COG5: variants seen among roughly 807,000 people sequenced by gnomAD.
COG5 encodes the protein conserved oligomeric Golgi complex subunit 5.
A neutral mutation model predicts 110.4 loss-of-function variants in COG5; 86 were observed. That is an observed-to-expected ratio of 0.78 (90% CI 0.65 to 0.93). The LOEUF is 0.93. Among genes scored for constraint, COG5 ranks in the 40% least tolerant of loss-of-function variants. COG5 has a pLI of 0.00. For missense variants in COG5, 1,077 were observed against 987.0 expected (o/e 1.09, Z -1.22); for synonymous variants, 360 against 334.6 (o/e 1.08, Z -0.83).
At chr7:107,457,854 A>C (rs917110269) in intron 6 of COG5, among the ~76,000 whole-genome samples, 5 of 152,246 alleles carry the variant, frequency 3.3e-5, no homozygotes, top group Non-Finnish European at 7.3e-5. Flanking sequence ...TAACAATAGC[A>C]GCAACAACCA....
chr7:107,279,179 A>AT (rs1310508640), intron 14 of COG5, among the ~76,000 whole-genome samples: 1 of 152,220 alleles, frequency 6.6e-6, no homozygotes, highest in Non-Finnish European at 1.5e-5. Flanking sequence ...CAACAAACAT[A>AT]TGAAAAAAAG....
Position 107,275,779 on chromosome 7 carries a change from C to T in COG5, c.1575+5521G>A, listed in dbSNP as rs529626921. Among the ~76,000 whole-genome samples the T allele has an allele frequency of 1.8e-3, 271 of 151,812 alleles. 2 individuals are homozygous for T. Among genetic ancestry groups the T allele is most frequent in the Middle Eastern group, 6.8e-3 (2 of 294 alleles). On this transcript the variant is annotated intron_variant, in intron 14 of 21. Coordinates refer to ENST00000297135, the MANE Select transcript of COG5 (RefSeq NM_006348.5). Reference sequence around the variant, plus strand: ...CCTGAGGTGATCTGCCCACCTCAGCCTCTCAAAGTGCTGGGATTATAGGCA... The same window carrying T: ...CCTGAGGTGATCTGCCCACCTCAGCTTCTCAAAGTGCTGGGATTATAGGCA...
intron 14 of COG5, among the ~76,000 whole-genome samples, chr7:107,260,410 G>A (rs901604752): frequency 6.6e-6 from 1 of 152,076 alleles, no homozygotes; most frequent in Non-Finnish European, 1.5e-5. Flanking sequence ...AATTGCAGTG[G>A]GGCAGTGGGG....
At chr7:107,515,760 A>G (rs913497505) in intron 6 of COG5, among the ~76,000 whole-genome samples, 3 of 152,204 alleles carry the variant, frequency 2.0e-5, no homozygotes, top group African/African-American at 7.2e-5. Flanking sequence ...CTTTTGATTT[A>G]CTGTTAGTCA....
At chr7:107,529,324 A>G (rs1358710829) in intron 5 of COG5, among the ~76,000 whole-genome samples, 1 of 152,212 alleles carries the variant, frequency 6.6e-6, no homozygotes, top group Non-Finnish European at 1.5e-5. Context: ...TTTGGAAGTT[A>G]TCACATTGCC....
At chr7:107,228,544 A>C (rs1270881687) in intron 19 of COG5, among the ~76,000 whole-genome samples, 1 of 152,172 alleles carries the variant, frequency 6.6e-6, no homozygotes, top group Non-Finnish European at 1.5e-5. Flanking sequence ...TGACCAATGG[A>C]TTGGCAACCT....
intron 21 of COG5, among the ~76,000 whole-genome samples, chr7:107,206,710 CAT>C (rs1798813292): frequency 6.6e-6 from 1 of 151,852 alleles, no homozygotes; most frequent in Admixed American, 6.6e-5. Flanking sequence ...AAGGATAAGA[CAT>C]CACGTAAGTT....
chr7:107,399,282 A>G (rs540973748), intron 7 of COG5, among the ~76,000 whole-genome samples: 1 of 152,202 alleles, frequency 6.6e-6, no homozygotes, highest in Non-Finnish European at 1.5e-5. Context: ...ACAGAAAAAA[A>G]GGAAAGACAC....
At chr7:107,315,565 CTTT>C (rs3839820) in intron 11 of COG5, among the ~76,000 whole-genome samples, 6 of 147,534 alleles carry the variant, frequency 4.1e-5, no homozygotes, top group Non-Finnish European at 4.5e-5. Flanking sequence ...TCTAATAGAA[CTTT>C]TTTTTTTTTT....
intron 13 of COG5, 22 bp downstream of exon 13, chr7:107,283,549 C>T: frequency 6.2e-7 from 1 of 1,600,402 alleles, no homozygotes; most frequent in Non-Finnish European, 8.6e-7. Flanking sequence ...TTATGGCAAG[C>T]CACTATATAA....
chr7:107,302,171 T>C (rs1383850530), intron 11 of COG5, among the ~76,000 whole-genome samples: 2 of 152,176 alleles, frequency 1.3e-5, no homozygotes, highest in Non-Finnish European at 2.9e-5. Context: ...CAAACTAATA[T>C]ATCCATGCAA....
At chr7:107,271,838 T>C (rs1340213705) in intron 14 of COG5, among the ~76,000 whole-genome samples, 6 of 152,156 alleles carry the variant, frequency 3.9e-5, no homozygotes, top group Non-Finnish European at 7.4e-5. Flanking sequence ...AGATCCTTGA[T>C]TGAGATCTTT....
chr7:107,264,413 C>T (rs1022687695), intron 14 of COG5, among the ~76,000 whole-genome samples: 3 of 151,606 alleles, frequency 2.0e-5, no homozygotes, highest in Non-Finnish European at 4.4e-5. Flanking sequence ...GACAATGGAG[C>T]AGGCCACGGT....
At chr7:107,375,875 A>G (rs1454488939) in intron 7 of COG5, among the ~76,000 whole-genome samples, 1 of 151,952 alleles carries the variant, frequency 6.6e-6, no homozygotes. Context: ...GTATTGTTTG[A>G]TAAGTGTTCC....
At chr7:107,320,111 G>A (rs1257259841) in intron 11 of COG5, among the ~76,000 whole-genome samples, 2 of 152,168 alleles carry the variant, frequency 1.3e-5, no homozygotes, top group African/African-American at 4.8e-5. Flanking sequence ...GAGAGATAAG[G>A]AGAATGAGGT....
rs750938733 is a variant in COG5 at position 107,474,508 on chromosome 7, C to A, written c.538+52729G>T. 9 of 1,612,710 alleles carry A rather than the reference C, an allele frequency of 5.6e-6. No individual in the cohort carries two copies. Among genetic ancestry groups the A allele is most frequent in the Non-Finnish European group, 7.6e-6 (9 of 1,179,210 alleles). ...TGACATCTCTGTAAAACCTGCAAAC[C>A]GAATTCTGACAATGGGCAGAGCTGT... On this transcript the variant is annotated intron_variant, in intron 6 of 21. Coordinates refer to ENST00000297135, the MANE Select transcript of COG5 (RefSeq NM_006348.5). This position sits in a 1 kb window ranked among gnomAD's most constrained non-coding sequence, Gnocchi z 5.7.
chr7:107,508,728 C>T (rs190470239), intron 6 of COG5, among the ~76,000 whole-genome samples: 1 of 152,190 alleles, frequency 6.6e-6, no homozygotes, highest in African/African-American at 2.4e-5. Context: ...TCACCAACAT[C>T]CACTGTTCTA....
chr7:107,458,952 A>C (rs997076107), intron 6 of COG5, among the ~76,000 whole-genome samples: 1 of 151,296 alleles, frequency 6.6e-6, no homozygotes, highest in Non-Finnish European at 1.5e-5. Flanking sequence ...CATTTATATT[A>C]TTATATATAT....
At chr7:107,287,121 T>C (rs1219545835) in intron 12 of COG5, among the ~76,000 whole-genome samples, 2 of 152,168 alleles carry the variant, frequency 1.3e-5, no homozygotes, top group Non-Finnish European at 2.9e-5. Flanking sequence ...TTATGCAAGT[T>C]GTTTTCAAAG....
Sources: allele counts gnomAD v4.1 joint callset (sites outside exome capture counted in the v4.1 genomes callset), GRCh38; gene constraint gnomAD v4.1.1; non-coding constraint Gnocchi (gnomAD v3.1); transcripts MANE v1.5; gene names NCBI Gene and HGNC (gene_info 2026-07-23, HGNC 2026-07-21).